The following CA4 variants were observed in gnomAD, a reference collection of about 807,000 sequenced individuals.
CA4 encodes the protein carbonic anhydrase 4, also known as CA-IV.
A neutral mutation model predicts 34.5 loss-of-function variants in CA4; 24 were observed. The observed-to-expected ratio is 0.70, with a 90% confidence interval of 0.50 to 0.98. The LOEUF is 0.98. CA4 is among the 50% of genes least tolerant of loss of function. CA4 has a pLI of 0.00. For synonymous variants in CA4, 178 were observed against 170.6 expected, an observed-to-expected ratio of 1.04 and a Z score of -0.34; for missense variants, 394 against 396.7, an observed-to-expected ratio of 0.99 and a Z score of 0.06.
intron 5 of CA4, among the ~76,000 whole-genome samples, chr17:60,165,879 C>T (rs2083851159): frequency 6.6e-6 from 1 of 151,066 alleles, no homozygotes; most frequent in Admixed American, 6.6e-5. Flanking sequence ...GACATAGTTA[C>T]ACCAGAGCAT....
chr17:60,158,515 C>T, intron 7 of CA4, 69 bp downstream of exon 7: 1 of 1,510,110 alleles, frequency 6.6e-7, no homozygotes, highest in Non-Finnish European at 9.1e-7. Flanking sequence ...CCTCTGTCTG[C>T]CCTCAGAGGT....
At chr17:60,165,598 C>T (rs1046079682) in intron 5 of CA4, among the ~76,000 whole-genome samples, 8 of 152,248 alleles carry the variant, frequency 5.3e-5, no homozygotes, top group African/African-American at 1.2e-4. Flanking sequence ...CTTCCTCTCC[C>T]CCTTCCCCAG....
At chr17:60,177,003 C>T in the CA4 span, among the ~76,000 whole-genome samples, 1 of 152,180 alleles carries the variant, frequency 6.6e-6, no homozygotes, top group Non-Finnish European at 1.5e-5. Context: ...CAGCTTGCCG[C>T]TCACCTCCTG....
rs919287718 is a variant in CA4, at chr17:60,157,866, A to C, written c.513+78A>C. ...TTAGGATTCAGAGACCTGGGACTCC[A>C]GCGAGGCAGGAGGGGGCGGGGAGAC... On this transcript the variant is annotated intron_variant, in intron 5 of 7. Transcript: ENST00000300900. 3 of 1,517,248 alleles carry C rather than the reference A, an allele frequency of 2.0e-6. No homozygotes were observed. The African/African-American group carries it at 4.1e-5, about 21-fold the overall frequency. 94.0% of individuals were successfully genotyped at this position (1,517,248 alleles called of 1,614,324 possible).
intron 5 of CA4, among the ~76,000 whole-genome samples, chr17:60,169,190 T>C (rs1033589999): frequency 6.7e-6 from 1 of 148,958 alleles, no homozygotes; most frequent in Non-Finnish European, 1.5e-5. Context: ...GAGGTTGCAG[T>C]GAGTTGAGAT....
At chr17:60,157,868 C>A in intron 5 of CA4, 80 bp downstream of exon 5, 4 of 1,521,800 alleles carry the variant, frequency 2.6e-6, no homozygotes, top group Admixed American at 1.8e-5. Flanking sequence ...GGGACTCCAG[C>A]GAGGCAGGAG....
chr17:60,150,506 C>G (rs12941543), intron 1 of CA4, among the ~76,000 whole-genome samples: 6 of 151,782 alleles, frequency 4.0e-5, no homozygotes, highest in Non-Finnish European at 7.4e-5. Context: ...AATCCCATCT[C>G]TACCAAAAAT....
rs142186287 is a variant in CA4, at chr17:60,158,317, G to C, written c.615G>C (p.Leu205Phe). 8.6e-5 allele frequency: 138 copies of C among 1,614,018 alleles called. No individual in the cohort carries two copies. The highest frequency in any genetic ancestry group is 1.1e-4 in the Non-Finnish European group (126 of 1,180,008). Residue 205 changes from leucine (L) to phenylalanine (F), a missense_variant, in exon 7 of 8, where the codon TTG becomes TTC. Coordinates refer to ENST00000300900, the MANE Select transcript of CA4 (RefSeq NM_000717.5). ...CTACGATGGCAGAGAGCAGCCTGTT[G>C]GACCTGCTCCCCAAGGAGGAGAAAC... ...MSTTMAESSLLDLLPKEEKLR... is the reference protein window; with the variant it reads ...MSTTMAESSLFDLLPKEEKLR...
intron 7 of CA4, chr17:60,158,974 AAGAGAAGC>A: frequency 1.8e-6 from 1 of 558,106 alleles, no homozygotes; most frequent in Non-Finnish European, 3.2e-6. Flanking sequence ...TAAGAGTGAC[AAGAGAAGC>A]AGGCATTGCG....
downstream of CA4, among the ~76,000 whole-genome samples, chr17:60,161,990 C>G (rs2083795762): frequency 6.6e-6 from 1 of 152,020 alleles, no homozygotes; most frequent in African/African-American, 2.4e-5. Flanking sequence ...GGCAGCAGGA[C>G]CAGGAAGTCC....
chr17:60,159,077 TATC>T, intron 7 of CA4, 150 bp from the exon 8 acceptor site: 1 of 714,020 alleles, frequency 1.4e-6, no homozygotes, highest in Admixed American at 2.2e-5. Flanking sequence ...CCCCTATTCT[TATC>T]ATCTTCACGA....
chr17:60,165,107 T>G (rs886781706), intron 5 of CA4, among the ~76,000 whole-genome samples: 6 of 152,144 alleles, frequency 3.9e-5, no homozygotes, highest in African/African-American at 1.2e-4. Context: ...GAGAGGGCAA[T>G]GAAGGACAGG....
intron 3 of CA4, among the ~76,000 whole-genome samples, chr17:60,157,182 T>C (rs929098193): frequency 2.6e-5 from 4 of 152,106 alleles, no homozygotes; most frequent in African/African-American, 9.7e-5. Context: ...AGGACAGAGC[T>C]GCAGTTTGGG....
At chr17:60,164,671 A>G (rs1041569778) in intron 5 of CA4, among the ~76,000 whole-genome samples, 2 of 152,122 alleles carry the variant, frequency 1.3e-5, no homozygotes, top group Non-Finnish European at 2.9e-5. Flanking sequence ...GATTATAGGC[A>G]TGAGCCACCA....
downstream of CA4, among the ~76,000 whole-genome samples, chr17:60,171,081 C>T (rs1051667489): frequency 7.9e-5 from 12 of 152,186 alleles, 1 homozygote; most frequent in Admixed American, 5.9e-4. Flanking sequence ...TTACGAATCA[C>T]GAGTGAAACA....
At chr17:60,167,870 G>A (rs1166618593) in intron 5 of CA4, among the ~76,000 whole-genome samples, 3 of 152,130 alleles carry the variant, frequency 2.0e-5, no homozygotes, top group Non-Finnish European at 4.4e-5. Flanking sequence ...CTATTGAATC[G>A]GGGTTCATTC....
At chr17:60,158,231 G>A in intron 6 of CA4, 52 bp from the exon 7 acceptor site, 1 of 1,607,770 alleles carries the variant, frequency 6.2e-7, no homozygotes, top group South Asian at 1.1e-5. Context: ...TGCAGGGGAA[G>A]AGGGGCTCCT....
downstream of CA4, among the ~76,000 whole-genome samples, chr17:60,160,168 G>C (rs957644373): frequency 5.9e-5 from 9 of 152,154 alleles, no homozygotes; most frequent in African/African-American, 2.2e-4. Flanking sequence ...GCCATATACT[G>C]AGGCTAGGGC....
chr17:60,155,523 A>ACACTCT (rs1470282977), intron 2 of CA4, among the ~76,000 whole-genome samples, 156 bp downstream of exon 2: 1 of 146,294 alleles, frequency 6.8e-6, no homozygotes, highest in African/African-American at 2.6e-5. Flanking sequence ...ACACACACAC[A>ACACTCT]CTCTCTCTCT....
Sources: allele counts gnomAD v4.1 joint callset (sites outside exome capture counted in the v4.1 genomes callset), GRCh38; gene constraint gnomAD v4.1.1; transcripts MANE v1.5; gene names NCBI Gene and HGNC (gene_info 2026-07-23, HGNC 2026-07-21).